The following TRPM4 variants were observed in gnomAD, a reference collection of about 807,000 sequenced individuals.
TRPM4 encodes transient receptor potential cation channel subfamily M member 4, also known as calcium-activated non-selective cation channel 1.
In TRPM4, 124 loss-of-function variants were observed where a neutral mutation model predicts 135.6. The observed-to-expected ratio is 0.91, with a 90% CI of 0.79 to 1.06. The LOEUF (loss-of-function observed/expected upper bound fraction) is 1.06. TRPM4 is among the 50% of genes least tolerant of loss of function. TRPM4 has a pLI of 0.00. For synonymous variants in TRPM4, 745 were observed against 705.6 expected, an observed-to-expected ratio of 1.06 and a Z score of -0.88; for missense variants, 1,658 against 1,671.4, an observed-to-expected ratio of 0.99 and a Z score of 0.14.
In TRPM4 at chr19:49,182,498, A is replaced by G. The variant is rs528708657; in HGVS notation, c.1264-80A>G. ...CATCCATCCATCCATCCATCCATCC[A>G]TCCGTCCCTCATACCCTTGCCCATC... On this transcript the variant is annotated intron_variant, in intron 10 of 24. Coordinates refer to ENST00000252826, the MANE Select transcript of TRPM4 (RefSeq NM_017636.4). 8.4e-3 allele frequency: 7,965 copies of G among 946,940 alleles called. 126 individuals are homozygous for G. Among genetic ancestry groups the G allele is most frequent in the Admixed American group, 0.056 (2,785 of 49,604 alleles). The allele number at this position is 946,940 out of a possible 1,614,324, so 58.7% of individuals were successfully genotyped here. A position where few individuals can be genotyped will look rare whatever the true frequency, so the allele number is the denominator to read the frequency against.
intron 9 of TRPM4, among the ~76,000 whole-genome samples, chr19:49,180,575 T>C (rs1209238560): frequency 6.6e-6 from 1 of 151,862 alleles, no homozygotes; most frequent in Non-Finnish European, 1.5e-5. Context: ...TTCAAAGTGC[T>C]ACCTCAACAC....
At position 49,200,675 on chromosome 19, in the gene TRPM4, C is replaced by T. The variant is rs750756191; in HGVS notation, c.2843C>T (p.Thr948Met). 3.1e-6 allele frequency: 5 copies of T among 1,613,874 alleles called. No individual in the cohort carries two copies. The highest frequency in any genetic ancestry group is 4.2e-6 in the Non-Finnish European group (5 of 1,180,026). The change falls in exon 19 of 25, where the codon ACG becomes ATG. Residue 948 changes from threonine (T) to methionine (M), a missense_variant. By Grantham distance (81) the Thr-to-Met change is moderately conservative. Transcript: ENST00000252826. ...GVWLVAYGVA[T>M]EGLLRPRDSD... ...TGGCTGGTAGCCTATGGCGTGGCCACGGAGGGGCTCCTGAGGCCACGGGAC... is the reference window on the plus strand; with the variant it reads ...TGGCTGGTAGCCTATGGCGTGGCCATGGAGGGGCTCCTGAGGCCACGGGAC...
Position 49,210,293 on chromosome 19 carries a change from G to A in TRPM4, c.3216G>A (p.Arg1072=). The A allele has an allele frequency of 6.2e-7, 1 of 1,614,220 alleles. No individual in the cohort carries two copies. The highest frequency in any genetic ancestry group is 8.5e-7 in the Non-Finnish European group (1 of 1,180,036). ...RYRLIREFHS[R]PALAPPFIVI... is the part of the protein sequence containing the mutation. ...GCCTCATCCGGGAATTCCACTCTCG[G>A]CCCGCGCTGGCCCCGCCCTTTATCG... Residue 1072 remains arginine, a synonymous_variant, in exon 21 of 25, where the codon CGG becomes CGA. Coordinates refer to ENST00000252826, the MANE Select transcript of TRPM4 (RefSeq NM_017636.4). This position sits in a 1 kb window ranked among gnomAD's most constrained non-coding sequence, Gnocchi z 4.1.
chr19:49,196,345 G>A, intron 16 of TRPM4, 95 bp from the exon 17 acceptor site: 4 of 1,202,910 alleles, frequency 3.3e-6, no homozygotes, highest in Non-Finnish European at 4.5e-6. Flanking sequence ...GTCAGGCAGG[G>A]TGAGATGTGC....
In TRPM4 at chr19:49,168,607, T is replaced by C. The variant is rs1174647812; in HGVS notation, c.667T>C (p.Phe223Leu). Residue 223 changes from phenylalanine to leucine, a missense_variant, in exon 6 of 25, where the codon TTT becomes CTT. This residue lies in a region of TRPM4 where 1,412 missense variants were observed against 1,408.7 expected (regional missense o/e 1.00). Coordinates refer to ENST00000252826, the MANE Select transcript of TRPM4 (RefSeq NM_017636.4). ...CGGTGACCCGGAGGACGGGGTCCAGTTTCCCCTGGACTACAACTACTCGGC... is the reference window on the plus strand; with the variant it reads ...CGGTGACCCGGAGGACGGGGTCCAGCTTCCCCTGGACTACAACTACTCGGC... ...WRGDPEDGVQFPLDYNYSAFF... is the reference protein window; with the variant it reads ...WRGDPEDGVQLPLDYNYSAFF... 1 of 1,613,586 alleles carries C rather than the reference T, an allele frequency of 6.2e-7. No homozygotes were observed. The highest frequency in any genetic ancestry group is 8.5e-7 in the Non-Finnish European group (1 of 1,180,010).
At chr19:49,199,731 C>A (rs986268258) in intron 17 of TRPM4, among the ~76,000 whole-genome samples, 3 of 151,298 alleles carry the variant, frequency 2.0e-5, no homozygotes, top group Non-Finnish European at 4.4e-5. Context: ...CTTTTCTTTT[C>A]TTTTTTTTGA....
In TRPM4 at chr19:49,158,328, C is replaced by T. The variant is rs1411606780; in HGVS notation, c.92+69C>T. ...CGCTGACCCCGCCCGCGGATGGTCA[C>T]GCCCCAGCCCTGCTCCTTCCCCATT... On this transcript the variant is annotated intron_variant, in intron 2 of 24. Coordinates refer to ENST00000252826, the MANE Select transcript of TRPM4 (RefSeq NM_017636.4). 8.1e-6 allele frequency: 11 copies of T among 1,350,630 alleles called. No homozygotes were observed. In the Admixed American group the frequency reaches 8.4e-5, roughly 10 times the overall value. 83.7% of individuals were successfully genotyped at this position (1,350,630 alleles called of 1,614,324 possible).
In TRPM4 at chr19:49,189,567, A is replaced by G. The variant is rs1968334259; in HGVS notation, c.2019+476A>G. On this transcript the variant is annotated intron_variant, in intron 14 of 24. Transcript: ENST00000252826. ...TTTTTTTTTTTTTGGACATAAACAAACTTTGGTCTAGGAAATCTCACCCTT... is the reference window on the plus strand; with the variant it reads ...TTTTTTTTTTTTTGGACATAAACAAGCTTTGGTCTAGGAAATCTCACCCTT... Among the ~76,000 whole-genome samples, 5 of 151,862 alleles carry G rather than the reference A, an allele frequency of 3.3e-5. No individual in the cohort carries two copies. The South Asian group carries it at 1.0e-3, about 32-fold the overall frequency.
At chr19:49,161,185 G>A (rs1432358683) in intron 2 of TRPM4, among the ~76,000 whole-genome samples, 1 of 152,054 alleles carries the variant, frequency 6.6e-6, no homozygotes, top group East Asian at 1.9e-4. Flanking sequence ...CTGGAAGTAG[G>A]TAAGACGTCA....
chr19:49,210,964 T>C lies in TRPM4; in HGVS notation c.3462-51T>C, dbSNP rs915106006. 5.4e-6 allele frequency: 2 copies of C among 372,666 alleles called. No homozygotes were observed. Among genetic ancestry groups the C allele is most frequent in the Non-Finnish European group, 8.8e-6 (2 of 226,484 alleles). 23.1% of individuals were successfully genotyped at this position (372,666 alleles called of 1,614,324 possible). ...GAGGCCCGGGAAGCAGGCAGAGCCCTGGGGGTGGGTGGGCTGCGGGTGCCC... is the reference window on the plus strand; with the variant it reads ...GAGGCCCGGGAAGCAGGCAGAGCCCCGGGGGTGGGTGGGCTGCGGGTGCCC... On this transcript the variant is annotated intron_variant, in intron 22 of 24. Transcript: ENST00000252826. This position sits in a 1 kb window ranked among gnomAD's most constrained non-coding sequence, Gnocchi z 4.1.
chr19:49,169,850 G>A (rs1387439508), intron 6 of TRPM4, among the ~76,000 whole-genome samples: 4 of 151,920 alleles, frequency 2.6e-5, no homozygotes, highest in Admixed American at 6.6e-5. Context: ...GAGCCACTGC[G>A]CCCAGCCAGC....
At chr19:49,172,203 G>C (rs1379557191) in intron 9 of TRPM4, 95 bp downstream of exon 9, 2 of 967,246 alleles carry the variant, frequency 2.1e-6, no homozygotes, top group Non-Finnish European at 3.3e-6. Flanking sequence ...CTAATCCAAG[G>C]CCCATGCCCC....
intron 4 of TRPM4, 56 bp from the exon 5 acceptor site, chr19:49,168,204 G>C (rs1284782388): frequency 5.0e-6 from 8 of 1,597,454 alleles, no homozygotes; most frequent in Admixed American, 1.7e-5. Flanking sequence ...GTGTGTCTCT[G>C]TCTTATTCTT....
At chr19:49,198,274 C>G (rs908584669) in intron 17 of TRPM4, among the ~76,000 whole-genome samples, 15 of 152,308 alleles carry the variant, frequency 9.8e-5, no homozygotes, top group African/African-American at 3.4e-4. Flanking sequence ...CTACCATGCT[C>G]TAGGATTGCC....
intron 17 of TRPM4, 84 bp from the exon 18 acceptor site, chr19:49,200,216 C>T: frequency 1.9e-6 from 3 of 1,608,234 alleles, no homozygotes; most frequent in East Asian, 4.5e-5. Context: ...CTGCAGCTTC[C>T]TCTGAAGGAT....
At position 49,171,653 on chromosome 19, in the gene TRPM4, G is replaced by A; in HGVS notation, c.934G>A (p.Ala312Thr). The A allele has an allele frequency of 6.2e-7, 1 of 1,613,936 alleles. No individual in the cohort carries two copies. Among genetic ancestry groups the A allele is most frequent in the Non-Finnish European group, 8.5e-7 (1 of 1,180,024 alleles). Reference protein sequence around the residue: ...AGSGGAADCLAETLEDTLAPG... With the variant: ...AGSGGAADCLTETLEDTLAPG... ...CTCAGGGGGAGCTGCGGACTGCCTG[G>A]CGGAGACCCTGGAAGACACTCTGGC... The change falls in exon 8 of 25, where the codon GCG (alanine) becomes ACG (threonine). Residue 312 changes from alanine (A) to threonine (T), a missense_variant. Ala to Thr is a moderately conservative substitution (Grantham distance 58). Coordinates refer to ENST00000252826, the MANE Select transcript of TRPM4 (RefSeq NM_017636.4). This position sits in a 1 kb window ranked among gnomAD's most constrained non-coding sequence, Gnocchi z 4.7.
chr19:49,193,193 G>T (rs2123015414), intron 16 of TRPM4, among the ~76,000 whole-genome samples: 2 of 149,414 alleles, frequency 1.3e-5, no homozygotes, highest in South Asian at 2.1e-4. Context: ...CCATTCTCCT[G>T]CCTCAGCCTC....
intron 17 of TRPM4, among the ~76,000 whole-genome samples, chr19:49,197,362 T>TTC (rs1555761733): frequency 0.011 from 1,014 of 90,580 alleles, 29 homozygotes; most frequent in African/African-American, 0.059. Context: ...CTTTCTTTCT[T>TTC]TCTCTCTCTT....
In TRPM4 at chr19:49,188,812, C is replaced by T. The variant is rs761594701; in HGVS notation, c.1873+42C>T. 14 of 1,613,020 alleles carry T rather than the reference C, an allele frequency of 8.7e-6. No homozygotes were observed. In the East Asian group the frequency reaches 1.3e-4, roughly 15 times the overall value. Reference sequence around the variant, plus strand: ...GCCTGGGAGCAGGGACGGGGGCTGCCGCCAGAGGGGGATGTGCAACTCCGC... The same window carrying T: ...GCCTGGGAGCAGGGACGGGGGCTGCTGCCAGAGGGGGATGTGCAACTCCGC... On this transcript the variant is annotated intron_variant, in intron 13 of 24. Transcript: ENST00000252826.
Sources: gnomAD v4.1 joint callset for allele counts (sites outside exome capture counted in the v4.1 genomes callset) on GRCh38, gnomAD v4.1.1 for gene constraint, gnomAD v4.1.1 regional missense constraint, Gnocchi (gnomAD v3.1) non-coding constraint, MANE v1.5 for transcripts, NCBI Gene and HGNC (gene_info 2026-07-23, HGNC 2026-07-21) for gene names.